The following COG5 variants were observed in gnomAD, a reference collection of about 807,000 sequenced individuals.
COG5 encodes the protein component of oligomeric golgi complex 5, also known as conserved oligomeric Golgi complex subunit 5.
In COG5, 86 loss-of-function variants were observed where a neutral mutation model predicts 110.4. The observed-to-expected ratio is 0.78, with a 90% CI of 0.65 to 0.93. The LOEUF is 0.93. Among genes scored for constraint, COG5 ranks in the 40% least tolerant of loss-of-function variants. The probability of loss-of-function intolerance (pLI) is 0.00; values close to 1 mark genes in which losing one functional copy is unlikely to be tolerated. For missense variants in COG5, 1,077 were observed against 987.0 expected (o/e 1.09, Z -1.22); for synonymous variants, 360 against 334.6 (o/e 1.08, Z -0.83).
At chr7:107,234,930 G>A (rs936927448) in intron 18 of COG5, among the ~76,000 whole-genome samples, 27 of 152,088 alleles carry the variant, frequency 1.8e-4, no homozygotes, top group African/African-American at 4.6e-4. Flanking sequence ...AAATGTACAG[G>A]TGCCTAAGAA....
At chr7:107,330,532 A>T (rs1810147508) in intron 10 of COG5, among the ~76,000 whole-genome samples, 1 of 152,198 alleles carries the variant, frequency 6.6e-6, no homozygotes, top group Admixed American at 6.5e-5. Flanking sequence ...TCTTTATAAC[A>T]CCAAATTGAC....
At chr7:107,515,368 TA>T (rs1194379599) in intron 6 of COG5, among the ~76,000 whole-genome samples, 1 of 151,984 alleles carries the variant, frequency 6.6e-6, no homozygotes. Context: ...CCAAGAACAT[TA>T]AAAAAAAGAT....
At chr7:107,343,592 G>A (rs1811350240) in intron 10 of COG5, among the ~76,000 whole-genome samples, 1 of 152,042 alleles carries the variant, frequency 6.6e-6, no homozygotes, top group African/African-American at 2.4e-5. Flanking sequence ...GAGGCTAGAG[G>A]ATCAGTTAAG....
At chr7:107,329,382 A>T (rs1810046912) in intron 10 of COG5, among the ~76,000 whole-genome samples, 2 of 145,570 alleles carry the variant, frequency 1.4e-5, no homozygotes, top group Non-Finnish European at 3.1e-5. Context: ...AAAAAGGTGG[A>T]TTTGGGGTAA....
chr7:107,381,246 G>A (rs10953536), intron 7 of COG5, among the ~76,000 whole-genome samples: 23,598 of 152,122 alleles, frequency 0.16, 2,271 homozygotes, highest in Non-Finnish European at 0.22. Context: ...TTCAGTTTCA[G>A]AATTGTCTTT....
chr7:107,447,072 G>T (rs905379677), intron 6 of COG5, among the ~76,000 whole-genome samples: 1 of 152,150 alleles, frequency 6.6e-6, no homozygotes, highest in African/African-American at 2.4e-5. Flanking sequence ...CCAGGTTTTT[G>T]ACAAGGTTCA....
chr7:107,363,637 G>C (rs10247870), intron 8 of COG5, among the ~76,000 whole-genome samples: 15,150 of 152,056 alleles, frequency 0.1, 1,768 homozygotes, highest in African/African-American at 0.27. Flanking sequence ...AAGACAAAGA[G>C]TATCGATGGA....
chr7:107,452,950 C>G (rs1347116262), intron 6 of COG5, among the ~76,000 whole-genome samples: 1 of 152,158 alleles, frequency 6.6e-6, no homozygotes, highest in Non-Finnish European at 1.5e-5. Flanking sequence ...TCCCTGCAGA[C>G]TAGTGTCTGT....
chr7:107,463,682 T>C (rs548285762), intron 6 of COG5, among the ~76,000 whole-genome samples: 1 of 152,280 alleles, frequency 6.6e-6, no homozygotes, highest in African/African-American at 2.4e-5. Context: ...ATTTAACATA[T>C]GCACAAAAGG....
intron 21 of COG5, chr7:107,209,750 G>C: frequency 1.1e-6 from 1 of 918,046 alleles, no homozygotes; most frequent in Non-Finnish European, 1.3e-6. Flanking sequence ...TCCTGGCCCA[G>C]GGCCTACCAT....
intron 21 of COG5, among the ~76,000 whole-genome samples, chr7:107,205,988 T>A (rs1259570698): frequency 6.7e-6 from 1 of 148,472 alleles, no homozygotes; most frequent in African/African-American, 2.5e-5. Context: ...TGAGACGGAG[T>A]CTTGCTCTGT....
intron 7 of COG5, among the ~76,000 whole-genome samples, chr7:107,392,676 C>CAAA (rs60351972): frequency 1.5e-5 from 2 of 136,932 alleles, no homozygotes; most frequent in Admixed American, 7.3e-5. Flanking sequence ...ATTGAAATAC[C>CAAA]AAAAAAAAAA....
At chr7:107,482,554 A>T (rs549265835) in intron 6 of COG5, among the ~76,000 whole-genome samples, 99 of 152,270 alleles carry the variant, frequency 6.5e-4, no homozygotes, top group African/African-American at 2.4e-3. Context: ...TTCAGGTAAT[A>T]AATGAAAAGG....
intron 6 of COG5, among the ~76,000 whole-genome samples, chr7:107,421,979 T>A (rs1290317607): frequency 6.6e-6 from 1 of 152,118 alleles, no homozygotes; most frequent in Admixed American, 6.5e-5. Context: ...TTAATAACAT[T>A]GTGTTTTTAG....
At position 107,242,486 on chromosome 7, in the gene COG5, T is replaced by C. The variant is rs888650580; in HGVS notation, c.1854-5799A>G. On this transcript the variant is annotated intron_variant, in intron 17 of 21. Coordinates refer to ENST00000297135, the MANE Select transcript of COG5 (RefSeq NM_006348.5). Reference sequence around the variant, plus strand: ...CCGGGCAGGCCTGGGCCTCCAGCCATCCCCAGCCAGAGCTATCAAGCCAGT... The same window carrying C: ...CCGGGCAGGCCTGGGCCTCCAGCCACCCCCAGCCAGAGCTATCAAGCCAGT... Among the ~76,000 whole-genome samples, 29 of 152,190 alleles carry C rather than the reference T, an allele frequency of 1.9e-4. 2 individuals carry two copies. In the South Asian group the frequency reaches 5.4e-3, roughly 28 times the overall value.
At chr7:107,334,143 G>T (rs1039727815) in intron 10 of COG5, among the ~76,000 whole-genome samples, 1 of 152,038 alleles carries the variant, frequency 6.6e-6, no homozygotes, top group African/African-American at 2.4e-5. Flanking sequence ...GTCAAGCTAC[G>T]GAATCAACCT....
intron 6 of COG5, among the ~76,000 whole-genome samples, chr7:107,416,267 T>G (rs901627575): frequency 6.6e-6 from 1 of 151,872 alleles, no homozygotes; most frequent in African/African-American, 2.4e-5. Flanking sequence ...AGAAAAAAAT[T>G]TTGTAATATA....
At chr7:107,268,877 T>C (rs1415506831) in intron 14 of COG5, among the ~76,000 whole-genome samples, 4 of 152,204 alleles carry the variant, frequency 2.6e-5, no homozygotes, top group African/African-American at 7.2e-5. Context: ...GTCCTTATAT[T>C]TTAGGTATGT....
intron 10 of COG5, among the ~76,000 whole-genome samples, chr7:107,345,356 G>A (rs1233163599): frequency 6.6e-6 from 1 of 152,030 alleles, no homozygotes; most frequent in Non-Finnish European, 1.5e-5. Flanking sequence ...GGCACCAATA[G>A]GCTTGCTTGA....
Sources: allele counts gnomAD v4.1 joint callset (sites outside exome capture counted in the v4.1 genomes callset), GRCh38; gene constraint gnomAD v4.1.1; transcripts MANE v1.5; gene names NCBI Gene and HGNC (gene_info 2026-07-23, HGNC 2026-07-21).